ARMC8: variants seen among roughly 807,000 people sequenced by gnomAD.
ARMC8 encodes armadillo repeat containing 8, also known as armadillo repeat-containing protein 8.
In ARMC8, 20 loss-of-function variants were observed where a neutral mutation model predicts 99.3. The observed-to-expected ratio is 0.20, with a 90% CI of 0.14 to 0.29. The LOEUF (loss-of-function observed/expected upper bound fraction) is 0.29, where lower values mean the gene tolerates loss of function less well. Among genes scored for constraint, ARMC8 ranks in the 10% least tolerant of loss-of-function variants. The pLI is 1.00. For synonymous variants in ARMC8, 263 were observed against 278.3 expected, an observed-to-expected ratio of 0.95 and a Z score of 0.55; for missense variants, 569 against 809.5, an observed-to-expected ratio of 0.70 and a Z score of 3.60.
At chr3:138,213,539 G>A (rs2044827938) in intron 2 of ARMC8, among the ~76,000 whole-genome samples, 1 of 152,176 alleles carries the variant, frequency 6.6e-6, no homozygotes, top group Non-Finnish European at 1.5e-5. Flanking sequence ...TGAAAGAAGA[G>A]GGAAGTCACT....
chr3:138,205,006 C>T (rs746902018), intron 1 of ARMC8, among the ~76,000 whole-genome samples: 1 of 151,382 alleles, frequency 6.6e-6, no homozygotes, highest in African/African-American at 2.4e-5. Flanking sequence ...TTCAGACCTC[C>T]TACAGTCTTC....
intron 1 of ARMC8, among the ~76,000 whole-genome samples, chr3:138,208,315 A>T (rs1158996290): frequency 6.6e-6 from 1 of 152,244 alleles, no homozygotes; most frequent in East Asian, 1.9e-4. Flanking sequence ...AAAATACAAA[A>T]ATTAGCTGGA....
chr3:138,211,696 A>T (rs1387106754), intron 2 of ARMC8, among the ~76,000 whole-genome samples: 5 of 152,134 alleles, frequency 3.3e-5, no homozygotes, highest in Non-Finnish European at 7.3e-5. Context: ...TAATTCTGAC[A>T]TTTTCTGTTA....
At chr3:138,194,882 A>G (rs1209155435) in intron 1 of ARMC8, among the ~76,000 whole-genome samples, 2 of 152,204 alleles carry the variant, frequency 1.3e-5, no homozygotes, top group East Asian at 3.9e-4. Context: ...TTAGTAATAA[A>G]TGCAAAATAA....
chr3:138,193,134 A>G (rs979835878), intron 1 of ARMC8, among the ~76,000 whole-genome samples: 2 of 151,498 alleles, frequency 1.3e-5, no homozygotes, highest in Non-Finnish European at 2.9e-5. Flanking sequence ...ATGCCTGGCT[A>G]ATTTTTGTAT....
intron 12 of ARMC8, chr3:138,245,987 T>C: frequency 1.0e-6 from 1 of 985,220 alleles, no homozygotes; most frequent in Non-Finnish European, 1.2e-6. Flanking sequence ...AAGAGCAAAT[T>C]AGTCATTATT....
At chr3:138,264,057 A>T (rs2048015932) in intron 13 of ARMC8, 74 bp from the exon 14 acceptor site, 6 of 1,393,690 alleles carry the variant, frequency 4.3e-6, no homozygotes, top group Admixed American at 3.5e-5. Flanking sequence ...TAGTCATTGT[A>T]AAATGCCAGC....
At chr3:138,257,674 TAAAA>T (rs200456619) in intron 12 of ARMC8, among the ~76,000 whole-genome samples, 11 of 150,216 alleles carry the variant, frequency 7.3e-5, no homozygotes, top group Non-Finnish European at 1.5e-4. Context: ...TCCTAAAAAA[TAAAA>T]AAAAAATTTA....
At chr3:138,215,836 T>C in intron 2 of ARMC8, among the ~76,000 whole-genome samples, 1 of 152,100 alleles carries the variant, frequency 6.6e-6, no homozygotes, top group Middle Eastern at 3.4e-3. Context: ...CAGTAAACTT[T>C]TCATGGTTTA....
At chr3:138,291,320 A>G (rs986125497) in intron 21 of ARMC8, among the ~76,000 whole-genome samples, 3 of 152,124 alleles carry the variant, frequency 2.0e-5, no homozygotes, top group African/African-American at 2.4e-5. Flanking sequence ...TGCACCCACC[A>G]TGTACACCCC....
At chr3:138,194,821 G>A (rs2043620925) in intron 1 of ARMC8, among the ~76,000 whole-genome samples, 1 of 152,082 alleles carries the variant, frequency 6.6e-6, no homozygotes, top group Admixed American at 6.5e-5. Context: ...AAAAATTGCT[G>A]TGAAGTCGAA....
chr3:138,205,229 C>T (rs549575690), intron 1 of ARMC8, among the ~76,000 whole-genome samples: 4 of 151,794 alleles, frequency 2.6e-5, no homozygotes, highest in African/African-American at 7.3e-5. Flanking sequence ...CCACCATGCC[C>T]GGCTAGAGAC....
intron 1 of ARMC8, among the ~76,000 whole-genome samples, chr3:138,204,659 C>T (rs1170714211): frequency 6.6e-6 from 1 of 152,166 alleles, no homozygotes; most frequent in Non-Finnish European, 1.5e-5. Context: ...TCTTAATTAT[C>T]ATCTTAGCTA....
At chr3:138,253,782 A>G (rs1442231547) in intron 12 of ARMC8, among the ~76,000 whole-genome samples, 1 of 152,196 alleles carries the variant, frequency 6.6e-6, no homozygotes, top group Non-Finnish European at 1.5e-5. Flanking sequence ...TTACAGTTTA[A>G]TGTAGTTAGG....
intron 19 of ARMC8, among the ~76,000 whole-genome samples, chr3:138,285,861 G>T (rs901532522): frequency 2.0e-5 from 3 of 152,104 alleles, no homozygotes; most frequent in African/African-American, 7.2e-5. Context: ...AATCCACACT[G>T]TATCCATAAT....
At chr3:138,206,079 G>C (rs896370526) in intron 1 of ARMC8, among the ~76,000 whole-genome samples, 1 of 152,142 alleles carries the variant, frequency 6.6e-6, no homozygotes, top group Non-Finnish European at 1.5e-5. Flanking sequence ...ACTGAAATTT[G>C]TTGCAAAAAT....
In ARMC8 at chr3:138,245,439, T is replaced by C. The variant is rs559044887; in HGVS notation, c.1134+256T>C. ...TTTTTTTTTGTGTCATTAATATGAA[T>C]TATTATGTTGCACATTTTTGCATGT... On this transcript the variant is annotated intron_variant, in intron 12 of 21. Coordinates refer to ENST00000469044, the MANE Select transcript of ARMC8 (RefSeq NM_001363941.2). 126 of 1,370,160 alleles carry C rather than the reference T, an allele frequency of 9.2e-5. 1 individual carries two copies. In the South Asian group the frequency reaches 2.3e-3, roughly 25 times the overall value. 84.9% of individuals were successfully genotyped at this position (1,370,160 alleles called of 1,614,324 possible).
intron 6 of ARMC8, among the ~76,000 whole-genome samples, chr3:138,230,426 G>A (rs1198056307): frequency 6.6e-6 from 1 of 152,144 alleles, no homozygotes; most frequent in East Asian, 1.9e-4. Context: ...CGAGGCAGGT[G>A]GTTCTCTTGA....
At chr3:138,196,726 G>T (rs1265269819) in intron 1 of ARMC8, among the ~76,000 whole-genome samples, 1 of 152,062 alleles carries the variant, frequency 6.6e-6, no homozygotes, top group Non-Finnish European at 1.5e-5. Context: ...AATTAGCCAG[G>T]TGTGGTGGCG....
Sources: gnomAD v4.1 joint callset for allele counts (sites outside exome capture counted in the v4.1 genomes callset) on GRCh38, gnomAD v4.1.1 for gene constraint, MANE v1.5 for transcripts, NCBI Gene and HGNC (gene_info 2026-07-23, HGNC 2026-07-21) for gene names.